The following KIZ variants were observed in gnomAD, a reference collection of about 807,000 sequenced individuals.
KIZ encodes the protein centrosomal protein kizuna.
In KIZ, 68 loss-of-function variants were observed where a neutral mutation model predicts 79.6. That is an observed-to-expected ratio of 0.85 (90% confidence interval 0.70 to 1.05). The LOEUF is 1.05. KIZ is among the 50% of genes least tolerant of loss of function. The pLI is 0.00. For missense variants in KIZ, 797 were observed against 800.4 expected (o/e 1.00, Z 0.05); for synonymous variants, 280 against 281.8 (o/e 0.99, Z 0.06).
chr20:21,197,794 A>T (rs1042301466), intron 6 of KIZ: 12 of 152,322 alleles, frequency 7.9e-5, no homozygotes, highest in Admixed American at 3.3e-4. Flanking sequence ...GAAGCTGGTG[A>T]TCTGTGCTTA....
intron 9 of KIZ, among the ~76,000 whole-genome samples, chr20:21,223,909 C>T (rs1406046910): frequency 1.3e-5 from 2 of 152,114 alleles, no homozygotes; most frequent in African/African-American, 2.4e-5. Context: ...AACTCCTGAC[C>T]TCAAGTGATC....
At chr20:21,149,845 C>G (rs533881184) in intron 4 of KIZ, among the ~76,000 whole-genome samples, 15 of 152,164 alleles carry the variant, frequency 9.9e-5, no homozygotes, top group Non-Finnish European at 2.1e-4. Context: ...TAAAACTATA[C>G]TGAAAGAGCA....
At chr20:21,221,162 C>G (rs979434692) in intron 9 of KIZ, among the ~76,000 whole-genome samples, 1 of 152,150 alleles carries the variant, frequency 6.6e-6, no homozygotes, top group Non-Finnish European at 1.5e-5. Flanking sequence ...GAACTACTTA[C>G]ATCCGCAAAG....
At chr20:21,245,744 A>AG (rs2037367789) in intron 12 of KIZ, 1 of 152,258 alleles carries the variant, frequency 6.6e-6, no homozygotes, top group East Asian at 1.9e-4. Context: ...AGCCCTCACA[A>AG]GGCAGCCCAA....
At chr20:21,141,586 G>A (rs971092126) in intron 3 of KIZ, among the ~76,000 whole-genome samples, 2 of 152,038 alleles carry the variant, frequency 1.3e-5, no homozygotes, top group Non-Finnish European at 2.9e-5. Context: ...GTAGAACGTT[G>A]CCAGCATCTG....
At chr20:21,170,430 C>A (rs1826502647) in intron 6 of KIZ, among the ~76,000 whole-genome samples, 1 of 150,968 alleles carries the variant, frequency 6.6e-6, no homozygotes, top group African/African-American at 2.4e-5. Flanking sequence ...TCTCTGTCGC[C>A]CAGGCTGGAG....
intron 1 of KIZ, among the ~76,000 whole-genome samples, chr20:21,129,331 C>T (rs1040882376): frequency 6.6e-6 from 1 of 152,178 alleles, no homozygotes; most frequent in Non-Finnish European, 1.5e-5. Flanking sequence ...AGATGTTTTA[C>T]AAATAAATTT....
chr20:21,193,958 A>G (rs1190241754), intron 6 of KIZ: 2 of 151,968 alleles, frequency 1.3e-5, no homozygotes, highest in Admixed American at 1.3e-4. Flanking sequence ...ACACATATGT[A>G]ACAAACCTGC....
intron 9 of KIZ, among the ~76,000 whole-genome samples, chr20:21,227,030 A>C (rs1439768786): frequency 6.6e-6 from 1 of 152,196 alleles, no homozygotes; most frequent in Non-Finnish European, 1.5e-5. Context: ...GAAAGTGTGG[A>C]GCATAGAAAG....
At chr20:21,146,846 A>G (rs2032874007) in intron 4 of KIZ, among the ~76,000 whole-genome samples, 1 of 152,194 alleles carries the variant, frequency 6.6e-6, no homozygotes, top group South Asian at 2.1e-4. Flanking sequence ...AAAAAACCCT[A>G]GAACTTAGAG....
intron 4 of KIZ, among the ~76,000 whole-genome samples, chr20:21,158,050 T>A (rs1445906980): frequency 6.6e-6 from 1 of 152,216 alleles, no homozygotes; most frequent in Non-Finnish European, 1.5e-5. Flanking sequence ...CTTAGAGCCA[T>A]CTATTTACAC....
At chr20:21,126,595 C>T (rs534760448) in intron 1 of KIZ, among the ~76,000 whole-genome samples, 28 of 152,270 alleles carry the variant, frequency 1.8e-4, no homozygotes, top group African/African-American at 6.5e-4. Context: ...AATTGCCATC[C>T]CGCCGTGACA....
At chr20:21,242,961 TC>T (rs2037269495) in intron 11 of KIZ, among the ~76,000 whole-genome samples, 1 of 152,096 alleles carries the variant, frequency 6.6e-6, no homozygotes, top group Non-Finnish European at 1.5e-5. Flanking sequence ...ATTTTTATAA[TC>T]CACCCTCCCC....
intron 6 of KIZ, among the ~76,000 whole-genome samples, chr20:21,170,273 A>G (rs2034144387): frequency 6.6e-6 from 1 of 152,042 alleles, no homozygotes; most frequent in South Asian, 2.1e-4. Context: ...CTCCTCAAGC[A>G]TTTATCCTTT....
intron 6 of KIZ, among the ~76,000 whole-genome samples, chr20:21,179,707 A>G (rs1045867409): frequency 6.6e-6 from 1 of 152,120 alleles, no homozygotes; most frequent in African/African-American, 2.4e-5. Flanking sequence ...TTTTACTGCT[A>G]TAAACTTCTC....
chr20:21,243,957 C>G (rs2037305048), intron 11 of KIZ, among the ~76,000 whole-genome samples: 1 of 152,190 alleles, frequency 6.6e-6, no homozygotes, highest in Admixed American at 6.5e-5. Context: ...CATCCTCCCC[C>G]AAGAACACGT....
intron 6 of KIZ, among the ~76,000 whole-genome samples, chr20:21,184,309 C>A (rs181281150): frequency 6.6e-6 from 1 of 152,176 alleles, no homozygotes; most frequent in African/African-American, 2.4e-5. Context: ...ACCACCACAC[C>A]CAGCTAATTT....
At chr20:21,160,467 G>A (rs2033602390) in intron 4 of KIZ, among the ~76,000 whole-genome samples, 2 of 152,074 alleles carry the variant, frequency 1.3e-5, no homozygotes, top group African/African-American at 4.8e-5. Context: ...GTAAGGACAC[G>A]GGTCCCTTTT....
chr20:21,164,094 G>C (rs2033821332), intron 6 of KIZ, among the ~76,000 whole-genome samples: 1 of 152,154 alleles, frequency 6.6e-6, no homozygotes, highest in Non-Finnish European at 1.5e-5. Context: ...CCCACCCCCA[G>C]AATTTTCTGT....
Sources: allele counts gnomAD v4.1 joint callset (sites outside exome capture counted in the v4.1 genomes callset), GRCh38; gene constraint gnomAD v4.1.1; transcripts MANE v1.5; gene names NCBI Gene and HGNC (gene_info 2026-07-23, HGNC 2026-07-21).